The following SYT1 variants were observed in gnomAD, a reference collection of about 807,000 sequenced individuals.
SYT1 encodes the protein synaptotagmin-1.
SYT1 carries 8 observed loss-of-function variants against 44.8 expected under a neutral mutation model. The observed-to-expected ratio is 0.18, with a 90% CI of 0.10 to 0.32. SYT1 has a LOEUF of 0.32. Ranked by LOEUF, SYT1 falls within the 10% of genes least tolerant of loss-of-function variation. SYT1 has a pLI of 1.00. For synonymous variants in SYT1, 154 were observed against 188.8 expected, an observed-to-expected ratio of 0.82 and a Z score of 1.51; for missense variants, 286 against 509.3, an observed-to-expected ratio of 0.56 and a Z score of 4.22.
chr12:79,215,023 ACAT>A (rs2138552108), intron 3 of SYT1, among the ~76,000 whole-genome samples: 1 of 152,044 alleles, frequency 6.6e-6, no homozygotes, highest in East Asian at 1.9e-4. Context: ...AGAAGTTAGG[ACAT>A]CATTAATATC....
chr12:79,373,654 G>A (rs1883881542), intron 9 of SYT1, among the ~76,000 whole-genome samples: 1 of 152,082 alleles, frequency 6.6e-6, no homozygotes, highest in South Asian at 2.1e-4. Context: ...TATGAACTTA[G>A]TTTGGAATTT....
chr12:79,133,915 ATAGAAT>A (rs1363464687), intron 3 of SYT1, among the ~76,000 whole-genome samples: 1 of 152,214 alleles, frequency 6.6e-6, no homozygotes, highest in African/African-American at 2.4e-5. Context: ...AAAGGCCTAG[ATAGAAT>A]TAGAGATTTG....
At chr12:78,864,616 T>A (rs1311417576), upstream of SYT1, 2 of 152,006 alleles carry the variant, frequency 1.3e-5, no homozygotes, top group African/African-American at 4.8e-5. Flanking sequence ...CGGATCCACC[T>A]ATTATTAGTG....
At chr12:79,014,122 C>CA (rs1358787041) in intron 2 of SYT1, among the ~76,000 whole-genome samples, 939 of 38,074 alleles carry the variant, frequency 0.025, 4 homozygotes, top group Middle Eastern at 0.083. Context: ...AGACTCTCTC[C>CA]AAAAAAAAAA....
At chr12:79,021,279 G>T (rs1205830449) in intron 2 of SYT1, among the ~76,000 whole-genome samples, 1 of 151,834 alleles carries the variant, frequency 6.6e-6, no homozygotes, top group East Asian at 1.9e-4. Context: ...GTTGAGAAAA[G>T]AAATGGAGCT....
At chr12:78,921,503 T>C (rs1205397603) in intron 1 of SYT1, among the ~76,000 whole-genome samples, 2 of 151,974 alleles carry the variant, frequency 1.3e-5, no homozygotes, top group African/African-American at 4.8e-5. Context: ...TTTTTTTCTG[T>C]ACAAGAAAGT....
At chr12:79,383,435 T>C (rs147458518) in intron 9 of SYT1, among the ~76,000 whole-genome samples, 114 of 152,320 alleles carry the variant, frequency 7.5e-4, no homozygotes, top group African/African-American at 2.6e-3. Flanking sequence ...TAACTATGAA[T>C]ATTTTCATGC....
At chr12:78,873,956 G>T (rs80104177) in intron 1 of SYT1, among the ~76,000 whole-genome samples, 3,794 of 151,612 alleles carry the variant, frequency 0.025, 168 homozygotes, top group African/African-American at 0.087. Flanking sequence ...TCTGATTTAA[G>T]AAAACAGGAA....
At chr12:79,426,501 C>T (rs534645030) in intron 9 of SYT1, among the ~76,000 whole-genome samples, 1 of 152,256 alleles carries the variant, frequency 6.6e-6, no homozygotes, top group South Asian at 2.1e-4. Context: ...TCTCCAGAAA[C>T]ATTCCATGGC....
At chr12:78,998,231 A>G (rs150639145) in intron 2 of SYT1, among the ~76,000 whole-genome samples, 227 of 152,326 alleles carry the variant, frequency 1.5e-3, no homozygotes, top group African/African-American at 4.3e-3. Flanking sequence ...ATTATGACCA[A>G]GCATGGAGAT....
At chr12:79,002,967 C>T (rs948329042) in intron 2 of SYT1, among the ~76,000 whole-genome samples, 2 of 151,950 alleles carry the variant, frequency 1.3e-5, no homozygotes, top group African/African-American at 4.8e-5. Flanking sequence ...ACAAACTATA[C>T]AGAGTGCAGA....
chr12:79,363,755 C>G (rs1883422449), intron 9 of SYT1, among the ~76,000 whole-genome samples: 1 of 151,536 alleles, frequency 6.6e-6, no homozygotes, highest in South Asian at 2.1e-4. Flanking sequence ...AAAAATTGTA[C>G]TTTATTATAA....
chr12:79,446,211 G>C (rs947195936), intron 10 of SYT1, among the ~76,000 whole-genome samples: 27 of 151,520 alleles, frequency 1.8e-4, no homozygotes, highest in African/African-American at 6.0e-4. Flanking sequence ...GTGACATTAT[G>C]CATATAAAAG....
chr12:79,085,041 AT>A (rs1415377136), intron 3 of SYT1, among the ~76,000 whole-genome samples: 1 of 152,140 alleles, frequency 6.6e-6, no homozygotes, highest in Non-Finnish European at 1.5e-5. Context: ...ATTTTATACA[AT>A]ATTTTTTAAA....
intron 2 of SYT1, among the ~76,000 whole-genome samples, chr12:79,011,838 G>A (rs955483978): frequency 6.6e-6 from 1 of 151,950 alleles, no homozygotes; most frequent in African/African-American, 2.4e-5. Flanking sequence ...AGAACCATCT[G>A]TGGGTGTTTT....
At chr12:79,254,869 A>G (rs1025901772) in intron 4 of SYT1, among the ~76,000 whole-genome samples, 1 of 152,232 alleles carries the variant, frequency 6.6e-6, no homozygotes, top group Non-Finnish European at 1.5e-5. Flanking sequence ...ATGTAACTGA[A>G]TTGCTGCAAT....
At chr12:79,067,265 CAAATGTCCATTGTACAAAAATA>C (rs1377318399) in intron 3 of SYT1, among the ~76,000 whole-genome samples, 1 of 151,964 alleles carries the variant, frequency 6.6e-6, no homozygotes, top group African/African-American at 2.4e-5. Context: ...CTATTTTTTT[CAAATGTCCATTGTACAAAAATA>C]CAGTCTTTAT....
intron 2 of SYT1, among the ~76,000 whole-genome samples, chr12:79,015,643 G>A (rs770785120): frequency 1.4e-4 from 22 of 151,978 alleles, no homozygotes; most frequent in East Asian, 3.9e-4. Flanking sequence ...AAATATAATC[G>A]CTCCCTATTT....
At chr12:79,081,773 A>G (rs548809237) in intron 3 of SYT1, among the ~76,000 whole-genome samples, 5 of 152,160 alleles carry the variant, frequency 3.3e-5, no homozygotes, top group African/African-American at 1.2e-4. Context: ...TCTTCTTCCT[A>G]TCAAATTTAA....
Sources: allele counts gnomAD v4.1 joint callset (sites outside exome capture counted in the v4.1 genomes callset), GRCh38; gene constraint gnomAD v4.1.1; transcripts MANE v1.5; gene names NCBI Gene and HGNC (gene_info 2026-07-23, HGNC 2026-07-21).